NUMB: variants seen among roughly 807,000 people sequenced by gnomAD.
NUMB encodes protein numb homolog.
Under a neutral mutation model 59.7 loss-of-function variants are expected in NUMB, and 29 were observed. The ratio of observed to expected loss-of-function variants is 0.49; its 90% confidence interval spans 0.36 to 0.66. NUMB has a LOEUF of 0.66. NUMB is among the 30% of genes least tolerant of loss of function. NUMB has a pLI of 0.00. For missense variants in NUMB, 723 were observed against 822.0 expected (o/e 0.88, Z 1.47); for synonymous variants, 288 against 288.2 (o/e 1.00, Z 0.01).
At position 73,282,403 on chromosome 14, in the gene NUMB, G is replaced by C; in HGVS notation, c.1052C>G (p.Thr351Ser). Residue 351 changes from threonine (T) to serine (S), a missense_variant, in exon 11 of 13, where the codon ACC (threonine) becomes AGC (serine). By Grantham distance (58) the Thr-to-Ser change is moderately conservative (BLOSUM62 1). Around this residue, in one of 2 missense-constraint regions of NUMB, gnomAD observed 406 missense variants for 385.4 expected, o/e 1.05. Transcript: ENST00000555238. The part of the protein sequence containing the change: ...PEDPFSSAPM[T>S]KPVTVVAPQS... ...TGGTGCCACCACTGTCACTGGTTTGGTCATCGGAGCAGATGAGAAGGGGTC... is the reference window on the plus strand; with the variant it reads ...TGGTGCCACCACTGTCACTGGTTTGCTCATCGGAGCAGATGAGAAGGGGTC... 1 of 1,614,214 alleles carries C rather than the reference G, an allele frequency of 6.2e-7. No individual in the cohort carries two copies. The highest frequency in any genetic ancestry group is 8.5e-7 in the Non-Finnish European group (1 of 1,180,038).
intron 1 of NUMB, among the ~76,000 whole-genome samples, chr14:73,419,192 C>G (rs572401306): frequency 2.1e-4 from 32 of 152,212 alleles, no homozygotes; most frequent in African/African-American, 7.5e-4. Context: ...TTCAAACTAT[C>G]TAGTAGAAGG....
At chr14:73,341,040 A>G (rs1193493778) in intron 4 of NUMB, among the ~76,000 whole-genome samples, 1 of 152,150 alleles carries the variant, frequency 6.6e-6, no homozygotes, top group Non-Finnish European at 1.5e-5. Context: ...TTTGCCTTCC[A>G]TCATGATTAT....
At chr14:73,431,798 T>C (rs1462040306) in intron 1 of NUMB, among the ~76,000 whole-genome samples, 1 of 152,034 alleles carries the variant, frequency 6.6e-6, no homozygotes, top group African/African-American at 2.4e-5. Flanking sequence ...GAATTTATCA[T>C]GACTTTTAAG....
chr14:73,329,262 T>C (rs1045075060), intron 4 of NUMB, among the ~76,000 whole-genome samples: 1 of 152,212 alleles, frequency 6.6e-6, no homozygotes, highest in Non-Finnish European at 1.5e-5. Context: ...GTATTATAGC[T>C]AAGCAATCTT....
intron 2 of NUMB, among the ~76,000 whole-genome samples, chr14:73,389,654 T>A (rs1249855839): frequency 1.3e-5 from 2 of 152,196 alleles, no homozygotes; most frequent in African/African-American, 2.4e-5. Context: ...GCCCGGCCCA[T>A]CTCTTCATTT....
chr14:73,360,198 T>A (rs997650411), intron 3 of NUMB, among the ~76,000 whole-genome samples: 7 of 152,184 alleles, frequency 4.6e-5, no homozygotes, highest in Non-Finnish European at 1.0e-4. Flanking sequence ...TTCACACTGC[T>A]CAAGAAGTGG....
chr14:73,428,216 T>C (rs10147259), intron 1 of NUMB, among the ~76,000 whole-genome samples: 12,012 of 152,150 alleles, frequency 0.079, 1,074 homozygotes, highest in African/African-American at 0.23. Flanking sequence ...AAATTAGTAA[T>C]CCATCACTTA....
chr14:73,301,069 CATCT>C (rs1890101795), intron 6 of NUMB, among the ~76,000 whole-genome samples: 1 of 152,158 alleles, frequency 6.6e-6, no homozygotes, highest in South Asian at 2.1e-4. Flanking sequence ...AGGTTTCTTC[CATCT>C]ATCATTCACT....
At chr14:73,362,735 C>T (rs942042668) in intron 3 of NUMB, among the ~76,000 whole-genome samples, 1 of 152,120 alleles carries the variant, frequency 6.6e-6, no homozygotes, top group Non-Finnish European at 1.5e-5. Context: ...TGCACCTGGC[C>T]TATCACTCTA....
chr14:73,356,477 T>A (rs1172610858), intron 3 of NUMB, among the ~76,000 whole-genome samples: 1 of 152,090 alleles, frequency 6.6e-6, no homozygotes, highest in East Asian at 1.9e-4. Flanking sequence ...ACCCCGCCTC[T>A]ACTAAAACTA....
chr14:73,318,464 T>C (rs1018774131), intron 5 of NUMB, among the ~76,000 whole-genome samples: 55 of 152,188 alleles, frequency 3.6e-4, no homozygotes, highest in African/African-American at 1.3e-3. Flanking sequence ...GGTAGTATAA[T>C]GAAACTAGTC....
intron 3 of NUMB, among the ~76,000 whole-genome samples, chr14:73,366,270 C>T (rs1193665341): frequency 1.3e-5 from 2 of 152,096 alleles, no homozygotes; most frequent in African/African-American, 4.8e-5. Context: ...TACAATAGAC[C>T]TGAATTTGAA....
At chr14:73,332,857 A>G (rs75464414) in intron 4 of NUMB, among the ~76,000 whole-genome samples, 7,768 of 151,764 alleles carry the variant, frequency 0.051, 652 homozygotes, top group African/African-American at 0.18. Context: ...GAAGCATACA[A>G]TATATGGCCT....
intron 2 of NUMB, among the ~76,000 whole-genome samples, chr14:73,396,894 G>A (rs969366543): frequency 6.6e-6 from 1 of 152,218 alleles, no homozygotes. Flanking sequence ...AGGCTGAGTT[G>A]GGCAGATCAC....
At chr14:73,404,787 G>C (rs1896583570) in intron 2 of NUMB, among the ~76,000 whole-genome samples, 1 of 151,360 alleles carries the variant, frequency 6.6e-6, no homozygotes, top group Admixed American at 6.6e-5. Flanking sequence ...TTTGGAGACG[G>C]AGTCTTGCTG....
chr14:73,436,148 G>T (rs1566796325), intron 1 of NUMB, among the ~76,000 whole-genome samples: 2 of 152,058 alleles, frequency 1.3e-5, no homozygotes, highest in Non-Finnish European at 2.9e-5. Flanking sequence ...ATACAATGAG[G>T]ATGCCTATTT....
chr14:73,404,767 C>CTT (rs112257193), intron 2 of NUMB, among the ~76,000 whole-genome samples: 3 of 144,826 alleles, frequency 2.1e-5, no homozygotes, highest in African/African-American at 2.5e-5. Flanking sequence ...AAATGATTTT[C>CTT]TTTTTTTTTT....
At chr14:73,455,780 C>T (rs1439291644) in intron 1 of NUMB, among the ~76,000 whole-genome samples, 2 of 152,132 alleles carry the variant, frequency 1.3e-5, no homozygotes, top group Non-Finnish European at 2.9e-5. Context: ...ATTTTCTATA[C>T]ATGAAATTTT....
At chr14:73,354,042 A>G (rs1594942104) in intron 4 of NUMB, among the ~76,000 whole-genome samples, 1 of 152,322 alleles carries the variant, frequency 6.6e-6, no homozygotes, top group East Asian at 1.9e-4. Context: ...AGACTGTGGA[A>G]AAATTAGTGT....
Sources: gnomAD v4.1 joint callset for allele counts (sites outside exome capture counted in the v4.1 genomes callset) on GRCh38, gnomAD v4.1.1 for gene constraint, gnomAD v4.1.1 regional missense constraint, MANE v1.5 for transcripts, NCBI Gene and HGNC (gene_info 2026-07-23, HGNC 2026-07-21) for gene names.